Variants in TMEM117 observed in about 807,000 individuals in gnomAD.
The protein encoded by TMEM117 is transmembrane protein 117.
A neutral mutation model predicts 52.4 loss-of-function variants in TMEM117; 27 were observed. The observed-to-expected ratio is 0.51, with a 90% CI of 0.38 to 0.71. The LOEUF is 0.71. Ranked by LOEUF, TMEM117 falls within the 30% of genes least tolerant of loss-of-function variation. The pLI, the probability that TMEM117 is intolerant of heterozygous loss-of-function variation, is 0.00. For synonymous variants in TMEM117, 215 were observed against 206.3 expected, an observed-to-expected ratio of 1.04 and a Z score of -0.36; for missense variants, 556 against 630.5, an observed-to-expected ratio of 0.88 and a Z score of 1.26.
At chr12:43,962,789 A>G (rs1945424149) in intron 3 of TMEM117, among the ~76,000 whole-genome samples, 1 of 152,084 alleles carries the variant, frequency 6.6e-6, no homozygotes, top group East Asian at 1.9e-4. Context: ...TTAGCCAGGC[A>G]TGGCGGCGGG....
At chr12:44,176,995 T>C (rs1200531152) in intron 4 of TMEM117, among the ~76,000 whole-genome samples, 1 of 152,178 alleles carries the variant, frequency 6.6e-6, no homozygotes. Context: ...TCTGCATGAC[T>C]GTAAAATACC....
intron 3 of TMEM117, among the ~76,000 whole-genome samples, chr12:44,078,395 C>T (rs187619254): frequency 6.6e-5 from 10 of 152,280 alleles, no homozygotes; most frequent in African/African-American, 1.2e-4. Flanking sequence ...AGCTCTTTAA[C>T]GTTCTAGGAA....
the TMEM117 span, chr12:43,799,386 G>T: frequency 6.4e-7 from 1 of 1,562,198 alleles, no homozygotes; most frequent in Non-Finnish European, 8.8e-7. Context: ...AGACTTTGTA[G>T]TTGTAACTTA....
chr12:43,947,088 CTTTGGG>C (rs1945145480), intron 3 of TMEM117, among the ~76,000 whole-genome samples: 2 of 152,162 alleles, frequency 1.3e-5, no homozygotes, highest in African/African-American at 4.8e-5. Flanking sequence ...AATCCCAGTG[CTTTGGG>C]AGGCTGAGGC....
chr12:44,133,849 G>A (rs1158985751), intron 3 of TMEM117, among the ~76,000 whole-genome samples: 2 of 151,890 alleles, frequency 1.3e-5, no homozygotes, highest in Admixed American at 6.6e-5. Flanking sequence ...CAATTCCAGG[G>A]CCCCTCTCCC....
intron 3 of TMEM117, among the ~76,000 whole-genome samples, chr12:44,117,626 A>G (rs1948167275): frequency 6.6e-6 from 1 of 152,114 alleles, no homozygotes; most frequent in Non-Finnish European, 1.5e-5. Flanking sequence ...AAACTAGGCC[A>G]TATCTTGTTT....
At chr12:43,812,956 C>T in the TMEM117 span, among the ~76,000 whole-genome samples, 22,122 of 150,758 alleles carry the variant, frequency 0.15, 1,831 homozygotes, top group African/African-American at 0.22. Context: ...CAGTGAGCTA[C>T]GATCATGTGC....
chr12:43,808,883 G>C, the TMEM117 span, among the ~76,000 whole-genome samples: 1 of 151,028 alleles, frequency 6.6e-6, no homozygotes, highest in Non-Finnish European at 1.5e-5. Context: ...TGCTCTGTGG[G>C]AATTCAAGCG....
Position 44,221,231 on chromosome 12 carries a change from C to T in TMEM117, c.608+9844C>T, listed in dbSNP as rs184082055. On this transcript the variant is annotated intron_variant, in intron 5 of 7. Transcript: ENST00000266534. ...TAAATATTTTATATCTATTTGGGCC[C>T]AATTTTTAAAATACTGTATCCTAGT... Among the ~76,000 whole-genome samples, 364 of 152,112 alleles carry T rather than the reference C, an allele frequency of 2.4e-3. 13 individuals are homozygous for T. The South Asian group carries it at 0.055, about 23-fold the overall frequency.
chr12:43,951,415 C>T (rs1047261482), intron 3 of TMEM117, among the ~76,000 whole-genome samples: 1 of 152,190 alleles, frequency 6.6e-6, no homozygotes, highest in Non-Finnish European at 1.5e-5. Context: ...ATTACCAGCA[C>T]AGCAGTCTCG....
At chr12:44,008,023 C>T (rs1946228585) in intron 3 of TMEM117, among the ~76,000 whole-genome samples, 1 of 152,140 alleles carries the variant, frequency 6.6e-6, no homozygotes, top group East Asian at 1.9e-4. Context: ...ACAGGCCTCC[C>T]CTTAGGCCCT....
intron 6 of TMEM117, among the ~76,000 whole-genome samples, chr12:44,362,336 G>A (rs531450329): frequency 1.4e-4 from 22 of 152,046 alleles, no homozygotes; most frequent in Admixed American, 6.6e-4. Context: ...CCTATCTAAC[G>A]TAGCTTCTCC....
At chr12:44,298,694 G>T (rs189023766) in intron 5 of TMEM117, among the ~76,000 whole-genome samples, 2,318 of 151,028 alleles carry the variant, frequency 0.015, 49 homozygotes, top group Non-Finnish European at 0.023. Flanking sequence ...AAAATGTCAG[G>T]CTCCTAGTAT....
intron 3 of TMEM117, among the ~76,000 whole-genome samples, chr12:44,062,553 G>C (rs1341590365): frequency 6.6e-6 from 1 of 152,284 alleles, no homozygotes; most frequent in Non-Finnish European, 1.5e-5. Context: ...CTGATGATGG[G>C]CTAAATCAGA....
chr12:44,342,526 AAC>A (rs1228494860), intron 6 of TMEM117, among the ~76,000 whole-genome samples: 1 of 152,066 alleles, frequency 6.6e-6, no homozygotes, highest in Non-Finnish European at 1.5e-5. Flanking sequence ...AAATTATACA[AAC>A]ACAGACCATT....
chr12:43,975,231 A>G lies in TMEM117; in HGVS notation c.410+30889A>G, dbSNP rs148303407. On this transcript the variant is annotated intron_variant, in intron 3 of 7. Transcript: ENST00000266534. The stretch of plus-strand genomic sequence containing the variant: ...CATATTTATTATTATATCAAAGGGT[A>G]TGGTCAGGAAGACAAATTGTATTTG... Among the ~76,000 whole-genome samples, 212 of 152,294 alleles carry G rather than the reference A, an allele frequency of 1.4e-3. 3 individuals are homozygous for G. In the East Asian group the frequency reaches 0.024, roughly 17 times the overall value.
chr12:43,958,728 AC>A (rs1241914779), intron 3 of TMEM117, among the ~76,000 whole-genome samples: 1 of 152,176 alleles, frequency 6.6e-6, no homozygotes, highest in East Asian at 1.9e-4. Context: ...GGACGACTGC[AC>A]CAAAGGAGGT....
chr12:44,292,901 G>A (rs1372488884), intron 5 of TMEM117, among the ~76,000 whole-genome samples: 1 of 152,008 alleles, frequency 6.6e-6, no homozygotes, highest in Non-Finnish European at 1.5e-5. Flanking sequence ...GGTTCATTTT[G>A]CTGCTTCAGA....
At chr12:43,955,529 A>C (rs1945292588) in intron 3 of TMEM117, among the ~76,000 whole-genome samples, 2 of 152,202 alleles carry the variant, frequency 1.3e-5, no homozygotes, top group African/African-American at 4.8e-5. Context: ...TCATGAATGA[A>C]CTCGCATTCA....
Sources: allele counts gnomAD v4.1 joint callset (sites outside exome capture counted in the v4.1 genomes callset), GRCh38; gene constraint gnomAD v4.1.1; transcripts MANE v1.5; gene names NCBI Gene and HGNC (gene_info 2026-07-23, HGNC 2026-07-21).